Variants in GABBR2 observed in about 807,000 individuals in gnomAD.
GABBR2 encodes the protein G-protein coupled receptor 51.
Under a neutral mutation model 105.6 loss-of-function variants are expected in GABBR2, and 23 were observed. The observed-to-expected ratio is 0.22, with a 90% CI of 0.16 to 0.31. The LOEUF is 0.31. GABBR2 is among the 10% of genes least tolerant of loss of function. The pLI, the probability that GABBR2 is intolerant of heterozygous loss-of-function variation, is 1.00. For synonymous variants in GABBR2, 478 were observed against 499.7 expected (o/e 0.96, Z 0.58); for missense variants, 734 against 1,245.5 (o/e 0.59, Z 6.18).
At chr9:98,421,607 G>A (rs10986180) in intron 7 of GABBR2, among the ~76,000 whole-genome samples, 7,173 of 152,192 alleles carry the variant, frequency 0.047, 298 homozygotes, top group East Asian at 0.19. Context: ...AAAAAATGCC[G>A]TGAAAAAATT....
intron 1 of GABBR2, among the ~76,000 whole-genome samples, chr9:98,692,197 A>G (rs1414759686): frequency 6.6e-6 from 1 of 152,084 alleles, no homozygotes; most frequent in African/African-American, 2.4e-5. Flanking sequence ...TGAGCTCCCT[A>G]AGGGCAGAGG....
At chr9:98,394,111 G>C in intron 9 of GABBR2, 64 bp downstream of exon 9, 1 of 1,168,358 alleles carries the variant, frequency 8.6e-7, no homozygotes, top group Non-Finnish European at 1.3e-6. Flanking sequence ...CTAACCCTTA[G>C]ACAATGTCCA....
chr9:98,648,510 G>A (rs1235607868), intron 1 of GABBR2, among the ~76,000 whole-genome samples: 1 of 152,030 alleles, frequency 6.6e-6, no homozygotes, highest in Non-Finnish European at 1.5e-5. Flanking sequence ...CAAATTTGCC[G>A]CTTTAAGGGA....
rs57747633 is a variant in GABBR2 at position 98,465,121 on chromosome 9, T to TAAAAAAAAAAAAAAA, written c.999+8010_999+8024dup. Among the ~76,000 whole-genome samples, 102 of 22,002 alleles carry TAAAAAAAAAAAAAAA rather than the reference T, an allele frequency of 4.6e-3. 3 individuals carry two copies. The highest frequency in any genetic ancestry group is 0.019 in the East Asian group (7 of 360). The allele number at this position is 22,002 out of a possible 152,430, so 14.4% of individuals were successfully genotyped here. ...ACACCCAAGAATGATCAATAAATAC[T>TAAAAAAAAAAAAAAA]AAAAAAAAAAAAAAAAAAAAAAAAA... On this transcript the variant is annotated intron_variant, in intron 6 of 18. Coordinates refer to ENST00000259455, the MANE Select transcript of GABBR2 (RefSeq NM_005458.8).
intron 2 of GABBR2, among the ~76,000 whole-genome samples, chr9:98,573,966 C>T (rs1288712946): frequency 1.3e-5 from 2 of 152,154 alleles, no homozygotes; most frequent in East Asian, 1.9e-4. Flanking sequence ...CAGGGTGTAG[C>T]GGAGGAAGAA....
intron 1 of GABBR2, among the ~76,000 whole-genome samples, chr9:98,590,826 G>A (rs771016230): frequency 6.6e-6 from 1 of 152,230 alleles, no homozygotes; most frequent in African/African-American, 2.4e-5. Context: ...GCTCTCATGG[G>A]ATTTATAATG....
At chr9:98,512,931 A>G (rs1827679116) in intron 3 of GABBR2, among the ~76,000 whole-genome samples, 1 of 152,288 alleles carries the variant, frequency 6.6e-6, no homozygotes, top group East Asian at 1.9e-4. Flanking sequence ...GAACCAAAAA[A>G]GAGCCCGCAT....
chr9:98,637,743 C>G (rs1454565230), intron 1 of GABBR2, among the ~76,000 whole-genome samples: 1 of 152,168 alleles, frequency 6.6e-6, no homozygotes, highest in Non-Finnish European at 1.5e-5. Context: ...TCCCCTAAAG[C>G]CTCCAGAAGG....
At chr9:98,522,950 T>G (rs1185837024) in intron 3 of GABBR2, among the ~76,000 whole-genome samples, 2 of 152,166 alleles carry the variant, frequency 1.3e-5, no homozygotes, top group Non-Finnish European at 2.9e-5. Flanking sequence ...AGTGTACTGA[T>G]TTATGTAACT....
intron 16 of GABBR2, among the ~76,000 whole-genome samples, chr9:98,299,964 G>A (rs1427825403): frequency 1.3e-5 from 2 of 152,022 alleles, no homozygotes; most frequent in African/African-American, 4.8e-5. Flanking sequence ...CTAGGCTCAA[G>A]CAATCCTCCT....
intron 1 of GABBR2, among the ~76,000 whole-genome samples, chr9:98,606,145 T>C (rs537463661): frequency 1.3e-5 from 2 of 152,366 alleles, no homozygotes; most frequent in South Asian, 4.1e-4. Context: ...GGTGTATATG[T>C]GCCACATTTT....
chr9:98,572,538 C>G (rs1828846853), intron 2 of GABBR2, among the ~76,000 whole-genome samples: 1 of 152,170 alleles, frequency 6.6e-6, no homozygotes, highest in Non-Finnish European at 1.5e-5. Flanking sequence ...TATCAAATCC[C>G]TTGGGCACCT....
At chr9:98,636,020 G>T (rs987965170) in intron 1 of GABBR2, among the ~76,000 whole-genome samples, 1 of 152,126 alleles carries the variant, frequency 6.6e-6, no homozygotes, top group Non-Finnish European at 1.5e-5. Context: ...CATCACCATG[G>T]GGCCACGGTG....
intron 17 of GABBR2, among the ~76,000 whole-genome samples, chr9:98,295,217 A>G (rs186953090): frequency 6.6e-6 from 1 of 152,346 alleles, no homozygotes; most frequent in African/African-American, 2.4e-5. Context: ...TGCATGATGC[A>G]CGTGTTCCCA....
intron 7 of GABBR2, among the ~76,000 whole-genome samples, chr9:98,410,108 G>C (rs757765247): frequency 1.4e-5 from 2 of 147,930 alleles, no homozygotes; most frequent in African/African-American, 5.3e-5. Context: ...TAACACCCCA[G>C]CTTGAGCTGG....
intron 13 of GABBR2, among the ~76,000 whole-genome samples, chr9:98,326,792 C>T (rs889411473): frequency 1.3e-5 from 2 of 152,202 alleles, no homozygotes; most frequent in African/African-American, 4.8e-5. Flanking sequence ...TATGTCATCA[C>T]GAGTCAGGTA....
At chr9:98,343,228 A>G (rs1042954024) in intron 13 of GABBR2, among the ~76,000 whole-genome samples, 1 of 152,186 alleles carries the variant, frequency 6.6e-6, no homozygotes, top group African/African-American at 2.4e-5. Context: ...CAGAAGCTAG[A>G]GTGTAGGGAA....
chr9:98,669,494 A>G (rs10760441), intron 1 of GABBR2, among the ~76,000 whole-genome samples: 123,682 of 152,160 alleles, frequency 0.81, 50,363 homozygotes, highest in Middle Eastern at 0.91. Context: ...TCACATTCTA[A>G]TTTATTATAT....
At chr9:98,419,396 C>T (rs539399644) in intron 7 of GABBR2, among the ~76,000 whole-genome samples, 1 of 152,282 alleles carries the variant, frequency 6.6e-6, no homozygotes, top group Non-Finnish European at 1.5e-5. Flanking sequence ...GATCTTGGTG[C>T]CTCCTGGTGG....
Sources: gnomAD v4.1 joint callset for allele counts (sites outside exome capture counted in the v4.1 genomes callset) on GRCh38, gnomAD v4.1.1 for gene constraint, MANE v1.5 for transcripts, NCBI Gene and HGNC (gene_info 2026-07-23, HGNC 2026-07-21) for gene names.